The following ZBTB38 variants were observed in gnomAD, a reference collection of about 807,000 sequenced individuals.
ZBTB38 encodes the protein zinc finger and BTB domain containing 38.
In ZBTB38, 20 loss-of-function variants were observed where a neutral mutation model predicts 76.8. The observed-to-expected ratio is 0.26, with a 90% CI of 0.18 to 0.38. ZBTB38 has a LOEUF of 0.38. Ranked by LOEUF, ZBTB38 falls within the 10% of genes least tolerant of loss-of-function variation. The probability of loss-of-function intolerance (pLI) is 1.00; values close to 1 mark genes in which losing one functional copy is unlikely to be tolerated. For synonymous variants in ZBTB38, 504 were observed against 544.2 expected, an observed-to-expected ratio of 0.93 and a Z score of 1.03; for missense variants, 1,082 against 1,482.3, an observed-to-expected ratio of 0.73 and a Z score of 4.43.
In ZBTB38 at chr3:141,329,866, C is replaced by T. The variant is rs757948718; in HGVS notation, c.-739+5410C>T. 8.6e-5 allele frequency among the ~76,000 whole-genome samples: 13 copies of T among 151,476 alleles called. 1 individual carries two copies. The highest frequency in any genetic ancestry group is 4.2e-4 in the South Asian group (2 of 4,802). ...AAGGGTGGTGAGGCACGGTGGCTCA[C>T]GCCTGTAATCCCAGCACTTTGGGAG... On this transcript the variant is annotated intron_variant, in intron 1 of 7. Transcript: ENST00000509842.
chr3:141,412,433 A>G (rs1253263053), intron 5 of ZBTB38, among the ~76,000 whole-genome samples: 1 of 151,868 alleles, frequency 6.6e-6, no homozygotes, highest in Non-Finnish European at 1.5e-5. Context: ...AAATGAAAGC[A>G]CAGGCAGAAA....
intron 1 of ZBTB38, among the ~76,000 whole-genome samples, chr3:141,329,361 C>T (rs1677114134): frequency 2.0e-5 from 3 of 152,192 alleles, no homozygotes; most frequent in Admixed American, 2.0e-4. Flanking sequence ...TACATCACTC[C>T]ATCCCTTCCC....
At chr3:141,378,383 G>A (rs1197650495) in intron 2 of ZBTB38, among the ~76,000 whole-genome samples, 1 of 152,004 alleles carries the variant, frequency 6.6e-6, no homozygotes, top group Admixed American at 6.6e-5. Context: ...CACACAGAGT[G>A]CATGTAAAAA....
Position 141,446,067 on chromosome 3 carries a change from C to T in ZBTB38, c.*91C>T. 9.9e-7 allele frequency: 1 copy of T among 1,013,704 alleles called. No individual in the cohort carries two copies. The highest frequency in any genetic ancestry group is 1.6e-5 in the African/African-American group (1 of 60,638). The allele number at this position is 1,013,704 out of a possible 1,614,324, so 62.8% of individuals were successfully genotyped here. On this transcript the variant is annotated 3_prime_UTR_variant, in exon 6 of 6. Coordinates refer to ENST00000321464, the MANE Select transcript of ZBTB38 (RefSeq NM_001376113.1). ...AGTTTCATTTTGTCCATGTGACAGT[C>T]ATGAAGGAGTGAAATTAAAAAAAAA...
intron 1 of ZBTB38, among the ~76,000 whole-genome samples, chr3:141,358,907 T>G (rs1028984133): frequency 2.0e-5 from 3 of 152,288 alleles, no homozygotes; most frequent in Admixed American, 6.5e-5. Context: ...CTAACCAAAC[T>G]GGCTCTTTAG....
intron 1 of ZBTB38, among the ~76,000 whole-genome samples, chr3:141,330,810 CAAG>C (rs1942825733): frequency 6.6e-6 from 1 of 152,182 alleles, no homozygotes; most frequent in Non-Finnish European, 1.5e-5. Context: ...GGTGGTTTTA[CAAG>C]AAGAGGAAGA....
At chr3:141,405,025 C>T (rs922195303) in intron 5 of ZBTB38, among the ~76,000 whole-genome samples, 1 of 152,218 alleles carries the variant, frequency 6.6e-6, no homozygotes, top group Admixed American at 6.5e-5. Flanking sequence ...TTTTTCTCCA[C>T]TTAAATCTAT....
intron 1 of ZBTB38, among the ~76,000 whole-genome samples, chr3:141,335,951 G>A (rs1479991985): frequency 6.6e-6 from 1 of 152,220 alleles, no homozygotes; most frequent in African/African-American, 2.4e-5. Context: ...AACCACAAGT[G>A]TCAAAGGGTA....
At chr3:141,339,683 A>C (rs1411044765) in intron 1 of ZBTB38, among the ~76,000 whole-genome samples, 1 of 152,228 alleles carries the variant, frequency 6.6e-6, no homozygotes, top group East Asian at 1.9e-4. Flanking sequence ...GGTGCCATTT[A>C]CTGAAATTAG....
chr3:141,396,444 A>G, intron 4 of ZBTB38: 1 of 167,568 alleles, frequency 6.0e-6, no homozygotes, highest in Non-Finnish European at 1.3e-5. Flanking sequence ...TCCTCCACTG[A>G]AGTCTTGAAT....
intron 1 of ZBTB38, among the ~76,000 whole-genome samples, chr3:141,356,779 G>A (rs1373049392): frequency 6.6e-6 from 1 of 152,118 alleles, no homozygotes; most frequent in African/African-American, 2.4e-5. Context: ...TTCCTGCTAG[G>A]CTTCCTTATT....
chr3:141,426,258 C>T, intron 5 of ZBTB38: 3 of 1,144,702 alleles, frequency 2.6e-6, no homozygotes, highest in Non-Finnish European at 3.5e-6. Context: ...CAAAAGCACA[C>T]CTGCCCAGAC....
intron 5 of ZBTB38, chr3:141,434,124 T>C: frequency 1.1e-6 from 1 of 880,926 alleles, no homozygotes; most frequent in Non-Finnish European, 1.4e-6. Flanking sequence ...AAGATATAAA[T>C]GTGAACAAAT....
chr3:141,362,864 C>A (rs531596661), intron 1 of ZBTB38, among the ~76,000 whole-genome samples: 1 of 152,256 alleles, frequency 6.6e-6, no homozygotes, highest in African/African-American at 2.4e-5. Flanking sequence ...GGTGACTAGA[C>A]TGGGTTTCTT....
chr3:141,338,965 A>G (rs1430196271), intron 1 of ZBTB38, among the ~76,000 whole-genome samples: 1 of 152,152 alleles, frequency 6.6e-6, no homozygotes, highest in African/African-American at 2.4e-5. Flanking sequence ...ATTAAGTACT[A>G]TGAATGACCA....
At position 141,444,107 on chromosome 3, in the gene ZBTB38, C is replaced by G. The variant is rs1193696806; in HGVS notation, c.1719C>G (p.Cys573Trp). ...TTTATAGGCTACTGCCTATGAAATG[C>G]AAGAGAGCCCCTTATAAGAGCTACC... The part of the protein sequence containing the change: ...YKLYRLLPMK[C>W]KRAPYKSYRN... Residue 573 changes from cysteine (C) to tryptophan (W), a missense_variant, in exon 6 of 6, where the codon TGC becomes TGG. Cys to Trp is a radical substitution (Grantham distance 215). Coordinates refer to ENST00000321464, the MANE Select transcript of ZBTB38 (RefSeq NM_001376113.1). This position sits in a 1 kb window ranked among gnomAD's most constrained non-coding sequence, Gnocchi z 5.1. 2 of 1,613,882 alleles carry G rather than the reference C, an allele frequency of 1.2e-6. No homozygotes were observed. The highest frequency in any genetic ancestry group is 2.2e-5 in the South Asian group (2 of 91,072).
At chr3:141,353,824 A>T (rs726838) in intron 1 of ZBTB38, among the ~76,000 whole-genome samples, 40,053 of 152,020 alleles carry the variant, frequency 0.26, 5,901 homozygotes, top group Non-Finnish European at 0.32. Flanking sequence ...CTCACTGTAG[A>T]TGGAGACAGC....
chr3:141,412,334 G>T (rs1956955498), intron 5 of ZBTB38, among the ~76,000 whole-genome samples: 1 of 152,132 alleles, frequency 6.6e-6, no homozygotes, highest in Admixed American at 6.5e-5. Context: ...GTTGTGTTAA[G>T]GTCTCTCAAA....
In ZBTB38 at chr3:141,444,857, T is replaced by C; in HGVS notation, c.2469T>C (p.Ala823=). 1 of 1,614,154 alleles carries C rather than the reference T, an allele frequency of 6.2e-7. No individual in the cohort carries two copies. Among genetic ancestry groups the C allele is most frequent in the Non-Finnish European group, 8.5e-7 (1 of 1,180,038 alleles). The part of the protein sequence containing the change: ...SKIETYIAKP[A]LPGTSTNSNV... Reference sequence around the variant, plus strand: ...TTGAAACCTACATTGCAAAACCTGCTCTGCCGGGAACCTCCACAAATAGTA... The same window carrying C: ...TTGAAACCTACATTGCAAAACCTGCCCTGCCGGGAACCTCCACAAATAGTA... The change falls in exon 6 of 6, where the codon GCT becomes GCC. Residue 823 remains alanine (A), a synonymous_variant. Transcript: ENST00000321464. This position sits in a 1 kb window ranked among gnomAD's most constrained non-coding sequence, Gnocchi z 5.1.
Sources: allele counts gnomAD v4.1 joint callset (sites outside exome capture counted in the v4.1 genomes callset), GRCh38; gene constraint gnomAD v4.1.1; non-coding constraint Gnocchi (gnomAD v3.1); transcripts MANE v1.5; gene names NCBI Gene and HGNC (gene_info 2026-07-23, HGNC 2026-07-21).